The following PAPPA variants were observed in gnomAD, a reference collection of about 807,000 sequenced individuals.
The protein encoded by PAPPA is pappalysin 1.
Under a neutral mutation model 164.0 loss-of-function variants are expected in PAPPA, and 60 were observed. The observed-to-expected ratio is 0.37, with a 90% CI of 0.30 to 0.45. PAPPA has a LOEUF of 0.45. Among genes scored for constraint, PAPPA ranks in the 20% least tolerant of loss-of-function variants. The pLI is 1.00. For missense variants in PAPPA, 1,782 were observed against 2,087.3 expected (o/e 0.85, Z 2.85); for synonymous variants, 875 against 814.1 (o/e 1.07, Z -1.27).
chr9:116,359,293 ATAT>A (rs1211243681), intron 17 of PAPPA, among the ~76,000 whole-genome samples: 5 of 152,172 alleles, frequency 3.3e-5, no homozygotes, highest in African/African-American at 1.2e-4. Flanking sequence ...GTGTTTGATA[ATAT>A]TATTATATGC....
intron 7 of PAPPA, among the ~76,000 whole-genome samples, chr9:116,263,978 A>C (rs933513916): frequency 3.9e-5 from 6 of 152,248 alleles, no homozygotes; most frequent in Non-Finnish European, 7.3e-5. Flanking sequence ...CAATGACTGG[A>C]TAGCCCCAGT....
chr9:116,315,624 T>G (rs935017370), intron 10 of PAPPA, among the ~76,000 whole-genome samples: 1 of 152,106 alleles, frequency 6.6e-6, no homozygotes, highest in African/African-American at 2.4e-5. Context: ...CCTACAGAGA[T>G]GGATGGAAAT....
chr9:116,256,803 T>C (rs1010708438), intron 7 of PAPPA, among the ~76,000 whole-genome samples: 3 of 152,136 alleles, frequency 2.0e-5, no homozygotes, highest in East Asian at 3.9e-4. Context: ...AACTAAAATA[T>C]AGTAATAATC....
At chr9:116,312,349 A>G (rs1452107718) in intron 10 of PAPPA, among the ~76,000 whole-genome samples, 7 of 142,552 alleles carry the variant, frequency 4.9e-5, no homozygotes, top group African/African-American at 1.9e-4. Flanking sequence ...TTCAGCCAGC[A>G]TGGCCTTTGC....
At position 116,235,178 on chromosome 9, in the gene PAPPA, G is replaced by A. The variant is rs146828540; in HGVS notation, c.2273G>A (p.Arg758His). 547 of 1,614,020 alleles carry A rather than the reference G, an allele frequency of 3.4e-4. 7 individuals are homozygous for A. The East Asian group carries it at 0.011, about 32-fold the overall frequency. The change falls in exon 7 of 22, where the codon CGC becomes CAC. Residue 758 changes from arginine to histidine, a missense_variant. Arg to His is a conservative substitution (Grantham distance 29). Coordinates refer to ENST00000328252, the MANE Select transcript of PAPPA (RefSeq NM_002581.5). ...GAACAGCCCTGTAAGTCCAGTGTCC[G>A]CACCTGGAGCCCAAATTCAGCTGTC... ...DVEQPCKSSV[R>H]TWSPNSAVNP...
At chr9:116,366,050 T>C (rs1234232600) in intron 18 of PAPPA, among the ~76,000 whole-genome samples, 3 of 152,214 alleles carry the variant, frequency 2.0e-5, no homozygotes, top group Non-Finnish European at 4.4e-5. Context: ...GGGGGGACTT[T>C]AAAATAGCTA....
At chr9:116,344,801 C>T (rs1372981232) in intron 14 of PAPPA, 90 bp downstream of exon 14, 4 of 1,140,166 alleles carry the variant, frequency 3.5e-6, no homozygotes, top group Middle Eastern at 3.0e-4. Context: ...TACCCAGCAG[C>T]ACTTAAAATA....
chr9:116,372,065 C>CT (rs1240029488), intron 19 of PAPPA, among the ~76,000 whole-genome samples: 3 of 151,960 alleles, frequency 2.0e-5, no homozygotes, highest in Non-Finnish European at 4.4e-5. Context: ...CCTAAACCTT[C>CT]TTTTTCTCAG....
At chr9:116,251,315 A>T (rs1159162886) in intron 7 of PAPPA, among the ~76,000 whole-genome samples, 1 of 152,200 alleles carries the variant, frequency 6.6e-6, no homozygotes, top group Non-Finnish European at 1.5e-5. Context: ...GCTGGTTTTC[A>T]TGGAACTCAA....
At chr9:116,321,507 A>G (rs1354228013) in intron 10 of PAPPA, among the ~76,000 whole-genome samples, 1 of 152,182 alleles carries the variant, frequency 6.6e-6, no homozygotes, top group Non-Finnish European at 1.5e-5. Context: ...TTTGTTGAGA[A>G]GGATTTAGAG....
intron 9 of PAPPA, 116 bp from the exon 10 acceptor site, chr9:116,302,641 A>T: frequency 1.4e-6 from 1 of 733,280 alleles, no homozygotes; most frequent in Non-Finnish European, 2.3e-6. Context: ...GACTAATGTG[A>T]TGGGCTTGAC....
intron 7 of PAPPA, among the ~76,000 whole-genome samples, chr9:116,244,288 A>G (rs1346229738): frequency 1.3e-5 from 2 of 152,204 alleles, no homozygotes; most frequent in African/African-American, 4.8e-5. Flanking sequence ...CTAATGCACT[A>G]CTAAACTTTG....
intron 7 of PAPPA, among the ~76,000 whole-genome samples, chr9:116,250,086 C>T (rs1362521108): frequency 6.6e-6 from 1 of 151,342 alleles, no homozygotes; most frequent in Non-Finnish European, 1.5e-5. Flanking sequence ...GTGAGACCAC[C>T]TGTTTTCATC....
intron 17 of PAPPA, among the ~76,000 whole-genome samples, chr9:116,355,711 G>A (rs1396002513): frequency 6.6e-6 from 1 of 152,172 alleles, no homozygotes; most frequent in African/African-American, 2.4e-5. Flanking sequence ...GGCCTTCCAA[G>A]TAACTTTCAT....
In PAPPA at chr9:116,323,741, CTTTG is replaced by C. The variant is rs747782039; in HGVS notation, c.3148-7495_3148-7492del. Among the ~76,000 whole-genome samples, 212 of 152,144 alleles carry C rather than the reference CTTTG, an allele frequency of 1.4e-3. 5 individuals carry two copies. Among genetic ancestry groups the C allele is most frequent in the Non-Finnish European group, 5.1e-4 (35 of 68,020 alleles). On this transcript the variant is annotated intron_variant, in intron 10 of 21. Coordinates refer to ENST00000328252, the MANE Select transcript of PAPPA (RefSeq NM_002581.5). ...CTGCACAGTGTGGCTTTGTTTGTTT[CTTTG>C]TTTGTTTTACACTTAATTTTAGAGT... is the stretch of plus-strand genomic sequence containing the variant.
intron 5 of PAPPA, among the ~76,000 whole-genome samples, chr9:116,226,696 T>A (rs1844514790): frequency 6.6e-6 from 1 of 152,168 alleles, no homozygotes; most frequent in Admixed American, 6.5e-5. Context: ...ATGAGTAGGA[T>A]CCCAGAGACT....
chr9:116,187,317 A>C lies in PAPPA; in HGVS notation c.579A>C (p.Pro193=), dbSNP rs561974313. 17 of 1,614,092 alleles carry C rather than the reference A, an allele frequency of 1.1e-5. No individual in the cohort carries two copies. The South Asian group carries it at 1.9e-4, about 18-fold the overall frequency. ...TCAATGCCCACCGCAGCTACCTCCC[A>C]GGCCAGTGGGTATACCTAGCTGCCA... ...TTINAHRSYL[P]GQWVYLAATY... Residue 193 remains proline (P), a synonymous_variant, in exon 2 of 22, where the codon CCA becomes CCC. Transcript: ENST00000328252. This position sits in a 1 kb window ranked among gnomAD's most constrained non-coding sequence, Gnocchi z 4.2.
chr9:116,155,351 A>G (rs1843588827), intron 1 of PAPPA, among the ~76,000 whole-genome samples: 1 of 152,204 alleles, frequency 6.6e-6, no homozygotes, highest in Non-Finnish European at 1.5e-5. Context: ...GCTGTTCCAC[A>G]GCAAAGCCTA....
rs563871496 is a variant in PAPPA, at chr9:116,169,310, C to CTTTTTT, written c.415+14745_415+14750dup. ...GTCCTTCGGCCTCTCCAAACCCATT[C>CTTTTTT]TTTTTTTTTTTTTTTTTTTTTTTTT... On this transcript the variant is annotated intron_variant, in intron 1 of 21. Coordinates refer to ENST00000328252, the MANE Select transcript of PAPPA (RefSeq NM_002581.5). Among the ~76,000 whole-genome samples the CTTTTTT allele has an allele frequency of 6.3e-4, 33 of 52,152 alleles. 8 individuals carry two copies. Among genetic ancestry groups the CTTTTTT allele is most frequent in the African/African-American group, 2.4e-3 (33 of 13,728 alleles). 34.2% of individuals were successfully genotyped at this position (52,152 alleles called of 152,430 possible). A position where few individuals can be genotyped will look rare whatever the true frequency, so the allele number is the denominator to read the frequency against.
Sources: gnomAD v4.1 joint callset for allele counts (sites outside exome capture counted in the v4.1 genomes callset) on GRCh38, gnomAD v4.1.1 for gene constraint, Gnocchi (gnomAD v3.1) non-coding constraint, MANE v1.5 for transcripts, NCBI Gene and HGNC (gene_info 2026-07-23, HGNC 2026-07-21) for gene names.